Variants in LIN7A observed in about 807,000 individuals in gnomAD.
LIN7A encodes the protein lin-7 cell polarity scaffold A.
Under a neutral mutation model 29.8 loss-of-function variants are expected in LIN7A, and 25 were observed. The observed-to-expected ratio is 0.84, with a 90% CI of 0.61 to 1.17. The LOEUF (loss-of-function observed/expected upper bound fraction) is 1.17. Ranked by LOEUF, LIN7A falls within the 50% of genes most tolerant of loss-of-function variation. LIN7A has a pLI of 0.00. For synonymous variants in LIN7A, 118 were observed against 107.5 expected (o/e 1.10, Z -0.60); for missense variants, 239 against 287.0 (o/e 0.83, Z 1.21).
chr12:80,897,180 T>C (rs987490980), intron 1 of LIN7A, among the ~76,000 whole-genome samples: 1 of 152,180 alleles, frequency 6.6e-6, no homozygotes, highest in East Asian at 1.9e-4. Context: ...AAGTTTTGCC[T>C]TCCTTTCTGT....
At chr12:80,823,347 G>A (rs1013882011) in intron 4 of LIN7A, among the ~76,000 whole-genome samples, 1 of 152,204 alleles carries the variant, frequency 6.6e-6, no homozygotes, top group African/African-American at 2.4e-5. Context: ...CCTCTTTGGG[G>A]CTTTGCAGTT....
At chr12:80,931,738 G>A (rs1241791847) in intron 1 of LIN7A, among the ~76,000 whole-genome samples, 1 of 152,100 alleles carries the variant, frequency 6.6e-6, no homozygotes, top group African/African-American at 2.4e-5. Flanking sequence ...AAAAAGTTCA[G>A]TTCAATTTTT....
At chr12:80,844,017 T>C (rs928195813) in intron 4 of LIN7A, among the ~76,000 whole-genome samples, 3 of 151,786 alleles carry the variant, frequency 2.0e-5, no homozygotes, top group African/African-American at 7.2e-5. Flanking sequence ...TTATAATTAC[T>C]GTTAATATAC....
chr12:80,844,280 A>G (rs1033666072), intron 4 of LIN7A, among the ~76,000 whole-genome samples: 1 of 152,166 alleles, frequency 6.6e-6, no homozygotes, highest in Non-Finnish European at 1.5e-5. Flanking sequence ...ACATAGAAAA[A>G]AGTAAGTAGT....
chr12:80,901,847 C>T (rs1293206234), intron 1 of LIN7A, among the ~76,000 whole-genome samples: 2 of 152,054 alleles, frequency 1.3e-5, no homozygotes, highest in Non-Finnish European at 2.9e-5. Context: ...CATCCGTTTT[C>T]TTCATTACTT....
chr12:80,918,614 T>C lies in LIN7A; in HGVS notation c.82+19027A>G, dbSNP rs76807449. 6.4e-3 allele frequency among the ~76,000 whole-genome samples: 977 copies of C among 152,258 alleles called. 14 individuals are homozygous for C. The highest frequency in any genetic ancestry group is 0.023 in the African/African-American group (938 of 41,526). ...CCCTTTAATTTCAGACACTTGGAGA[T>C]TCTACTCCCTCATTTTCAATCTAAG... On this transcript the variant is annotated intron_variant, in intron 1 of 5. Coordinates refer to ENST00000552864, the MANE Select transcript of LIN7A (RefSeq NM_004664.4).
In LIN7A at chr12:80,892,838, G is replaced by A. The variant is rs561008845; in HGVS notation, c.83-3469C>T. On this transcript the variant is annotated intron_variant, in intron 1 of 5. Coordinates refer to ENST00000552864, the MANE Select transcript of LIN7A (RefSeq NM_004664.4). ...AGCCAAGGTTGAGACCACTGCTCTA[G>A]TTTGCATGGGTAATTTTAAATCCCC... Among the ~76,000 whole-genome samples the A allele has an allele frequency of 3.3e-5, 5 of 152,302 alleles. No individual in the cohort carries two copies. In the South Asian group the frequency reaches 8.3e-4, roughly 25 times the overall value.
intron 4 of LIN7A, among the ~76,000 whole-genome samples, chr12:80,814,862 T>C (rs1418265520): frequency 6.6e-6 from 1 of 152,188 alleles, no homozygotes; most frequent in Non-Finnish European, 1.5e-5. Context: ...AACAGGTCTG[T>C]TGGTTTGGCT....
chr12:80,830,040 C>T (rs1442080146), intron 4 of LIN7A, among the ~76,000 whole-genome samples: 1 of 152,078 alleles, frequency 6.6e-6, no homozygotes, highest in African/African-American at 2.4e-5. Flanking sequence ...TGTGATCTGG[C>T]CCCTGTGTAT....
At chr12:80,831,154 T>G (rs1336810253) in intron 4 of LIN7A, among the ~76,000 whole-genome samples, 2 of 152,214 alleles carry the variant, frequency 1.3e-5, no homozygotes, top group East Asian at 1.9e-4. Context: ...AAATGCTTAT[T>G]GAGTGACTGA....
intron 2 of LIN7A, among the ~76,000 whole-genome samples, chr12:80,856,526 A>G (rs1480176139): frequency 6.6e-6 from 1 of 152,196 alleles, no homozygotes; most frequent in Non-Finnish European, 1.5e-5. Flanking sequence ...TATGTCCTCA[A>G]ACAAGGACGA....
At chr12:80,892,674 C>T (rs530331161) in intron 1 of LIN7A, among the ~76,000 whole-genome samples, 1 of 152,076 alleles carries the variant, frequency 6.6e-6, no homozygotes, top group African/African-American at 2.4e-5. Context: ...CTTAACTGCA[C>T]ATTAAAATCA....
chr12:80,831,148 G>A (rs774535511), intron 4 of LIN7A, among the ~76,000 whole-genome samples: 1 of 152,014 alleles, frequency 6.6e-6, no homozygotes, highest in Non-Finnish European at 1.5e-5. Context: ...CCTAATAAAT[G>A]CTTATTGAGT....
At chr12:80,846,563 T>C (rs761709452) in intron 3 of LIN7A, among the ~76,000 whole-genome samples, 3 of 152,176 alleles carry the variant, frequency 2.0e-5, no homozygotes, top group Admixed American at 1.3e-4. Context: ...AAACAGATTA[T>C]TGTTAGCTTA....
At chr12:80,911,843 C>A (rs1319320148) in intron 1 of LIN7A, among the ~76,000 whole-genome samples, 1 of 152,106 alleles carries the variant, frequency 6.6e-6, no homozygotes, top group African/African-American at 2.4e-5. Context: ...CATACATAAA[C>A]AAGTTTATTT....
At chr12:80,923,455 G>A (rs1202150853) in intron 1 of LIN7A, among the ~76,000 whole-genome samples, 1 of 152,068 alleles carries the variant, frequency 6.6e-6, no homozygotes, top group African/African-American at 2.4e-5. Flanking sequence ...TTTGCCTTTT[G>A]TACTAAGAAA....
chr12:80,815,665 G>A (rs182977477), intron 4 of LIN7A, among the ~76,000 whole-genome samples: 284 of 152,162 alleles, frequency 1.9e-3, no homozygotes, highest in Non-Finnish European at 2.9e-3. Flanking sequence ...CTGAGAAGGT[G>A]GTTCTTATAT....
intron 4 of LIN7A, among the ~76,000 whole-genome samples, chr12:80,812,829 G>C (rs1352687328): frequency 1.3e-5 from 2 of 152,116 alleles, no homozygotes; most frequent in African/African-American, 2.4e-5. Flanking sequence ...GGGAGTACAG[G>C]CATGAGCCAC....
intron 2 of LIN7A, among the ~76,000 whole-genome samples, chr12:80,873,519 C>T (rs1317669739): frequency 1.4e-5 from 2 of 145,610 alleles, no homozygotes; most frequent in African/African-American, 5.2e-5. Context: ...GGCAATAGAG[C>T]GAGACCCTGT....
Sources: gnomAD v4.1 joint callset for allele counts (sites outside exome capture counted in the v4.1 genomes callset) on GRCh38, gnomAD v4.1.1 for gene constraint, MANE v1.5 for transcripts, NCBI Gene and HGNC (gene_info 2026-07-23, HGNC 2026-07-21) for gene names.